The following LINGO2 variants were observed in gnomAD, a reference collection of about 807,000 sequenced individuals.
The protein encoded by LINGO2 is leucine-rich repeat and immunoglobulin-like domain-containing nogo receptor-interacting protein 2.
A neutral mutation model predicts 30.6 loss-of-function variants in LINGO2; 14 were observed. The observed-to-expected ratio is 0.46, with a 90% CI of 0.30 to 0.72. The LOEUF is 0.72. LINGO2 is among the 30% of genes least tolerant of loss of function. The probability of loss-of-function intolerance (pLI) is 0.07; values close to 1 mark genes in which losing one functional copy is unlikely to be tolerated. For missense variants in LINGO2, 729 were observed against 751.7 expected (o/e 0.97, Z 0.35); for synonymous variants, 317 against 288.5 (o/e 1.10, Z -1.00).
At chr9:27,959,162 C>A (rs1819717401) in intron 5 of LINGO2, among the ~76,000 whole-genome samples, 1 of 152,042 alleles carries the variant, frequency 6.6e-6, no homozygotes, top group East Asian at 1.9e-4. Context: ...TTGTGCCTTT[C>A]TTTTCTCTTG....
the LINGO2 span, among the ~76,000 whole-genome samples, chr9:28,934,127 CTT>C: frequency 6.6e-6 from 1 of 152,174 alleles, no homozygotes; most frequent in Admixed American, 6.5e-5. Context: ...AATTCCAACT[CTT>C]TTTAATACAT....
chr9:27,944,583 TCCCAAA>T (rs1823292441), downstream of LINGO2: 1 of 152,066 alleles, frequency 6.6e-6, no homozygotes, highest in Admixed American at 6.6e-5. Flanking sequence ...GCAGAATAAT[TCCCAAA>T]CTCCTCAATC....
At chr9:28,068,156 A>T (rs1478075286) in intron 4 of LINGO2, among the ~76,000 whole-genome samples, 1 of 152,138 alleles carries the variant, frequency 6.6e-6, no homozygotes, top group Non-Finnish European at 1.5e-5. Context: ...CATGTAGTGT[A>T]TGCATATACA....
In LINGO2 at chr9:28,045,428, C is replaced by A. The variant is rs879373316; in HGVS notation, c.-86-33023G>T. ...AAGTTAGCTCTAGCAACTTATAAAG[C>A]TATATTCTCTTTGCATATCTGAATG... On this transcript the variant is annotated intron_variant, in intron 4 of 5. Coordinates refer to ENST00000379992, the Ensembl canonical transcript of LINGO2. Among the ~76,000 whole-genome samples, 30 of 152,212 alleles carry A rather than the reference C, an allele frequency of 2.0e-4. 1 individual carries two copies. In the East Asian group the frequency reaches 4.8e-3, roughly 24 times the overall value.
At chr9:28,789,206 C>G in the LINGO2 span, among the ~76,000 whole-genome samples, 46 of 151,982 alleles carry the variant, frequency 3.0e-4, no homozygotes, top group East Asian at 8.5e-3. Flanking sequence ...GAAATAAGGT[C>G]CTATGAGTCC....
intron 4 of LINGO2, among the ~76,000 whole-genome samples, chr9:28,013,306 C>T (rs1217124357): frequency 6.6e-6 from 1 of 152,174 alleles, no homozygotes; most frequent in Non-Finnish European, 1.5e-5. Flanking sequence ...CTGCTCCAAG[C>T]CTGACTTAGA....
At chr9:29,196,586 G>A in the LINGO2 span, among the ~76,000 whole-genome samples, 1 of 152,010 alleles carries the variant, frequency 6.6e-6, no homozygotes, top group East Asian at 1.9e-4. Flanking sequence ...CCTTTCACCA[G>A]TGTTAAGTGA....
chr9:28,760,801 A>G, the LINGO2 span, among the ~76,000 whole-genome samples: 3 of 151,642 alleles, frequency 2.0e-5, no homozygotes, highest in Admixed American at 2.0e-4. Flanking sequence ...ACAGTCTCCA[A>G]TCTCATCCAC....
chr9:29,184,114 A>G, the LINGO2 span, among the ~76,000 whole-genome samples: 1 of 152,162 alleles, frequency 6.6e-6, no homozygotes, highest in Non-Finnish European at 1.5e-5. Context: ...ATACTTTCAT[A>G]TGGAAACATT....
At chr9:29,164,841 G>A in the LINGO2 span, among the ~76,000 whole-genome samples, 4 of 152,034 alleles carry the variant, frequency 2.6e-5, no homozygotes, top group Non-Finnish European at 1.5e-5. Flanking sequence ...ACACTAATAA[G>A]TGAATATGGC....
At chr9:29,165,942 A>T in the LINGO2 span, among the ~76,000 whole-genome samples, 3 of 152,220 alleles carry the variant, frequency 2.0e-5, no homozygotes, top group East Asian at 5.8e-4. Context: ...CAGTGATAGG[A>T]TCCATTTCTC....
At chr9:29,040,846 A>C in the LINGO2 span, among the ~76,000 whole-genome samples, 1 of 152,034 alleles carries the variant, frequency 6.6e-6, no homozygotes, top group African/African-American at 2.4e-5. Context: ...CATGAATTAG[A>C]TTACATACAA....
chr9:28,333,080 C>T (rs997268022), intron 3 of LINGO2, among the ~76,000 whole-genome samples: 7 of 152,098 alleles, frequency 4.6e-5, no homozygotes, highest in African/African-American at 1.4e-4. Flanking sequence ...TTCCAAAAAT[C>T]AGTCAGTAAA....
At chr9:28,063,546 C>T (rs1468678854) in intron 4 of LINGO2, among the ~76,000 whole-genome samples, 2 of 151,982 alleles carry the variant, frequency 1.3e-5, no homozygotes, top group Admixed American at 1.3e-4. Context: ...CTCTTATCCC[C>T]ATTTTAAAGA....
the LINGO2 span, among the ~76,000 whole-genome samples, chr9:29,017,346 C>A: frequency 2.6e-5 from 4 of 152,100 alleles, no homozygotes; most frequent in African/African-American, 9.7e-5. Context: ...TTACCAAAGT[C>A]ATCACAGACT....
chr9:29,018,960 T>C, the LINGO2 span, among the ~76,000 whole-genome samples: 1 of 152,176 alleles, frequency 6.6e-6, no homozygotes, highest in African/African-American at 2.4e-5. Context: ...TTTTCTGAAA[T>C]ATGATCTTCA....
At chr9:29,029,863 G>GTT in the LINGO2 span, among the ~76,000 whole-genome samples, 21,532 of 148,444 alleles carry the variant, frequency 0.15, 1,780 homozygotes, top group East Asian at 0.34. Context: ...GAAGCTTTCA[G>GTT]TTTTTTTTTT....
the LINGO2 span, among the ~76,000 whole-genome samples, chr9:29,117,623 A>G: frequency 1.3e-5 from 2 of 152,144 alleles, no homozygotes; most frequent in East Asian, 1.9e-4. Flanking sequence ...GGCTCCCACC[A>G]GCCAAGAGCA....
chr9:28,515,497 C>G (rs911626710), intron 1 of LINGO2, among the ~76,000 whole-genome samples: 1 of 152,150 alleles, frequency 6.6e-6, no homozygotes, highest in East Asian at 1.9e-4. Context: ...TGAACCGCTG[C>G]GCCTGGCCAA....
Sources: allele counts gnomAD v4.1 joint callset (sites outside exome capture counted in the v4.1 genomes callset), GRCh38; gene constraint gnomAD v4.1.1; transcripts MANE v1.5; gene names NCBI Gene and HGNC (gene_info 2026-07-23, HGNC 2026-07-21).